The following SLC9C1 variants were observed in gnomAD, a reference collection of about 807,000 sequenced individuals.
SLC9C1 encodes solute carrier family 9 member C1, also known as sodium/hydrogen exchanger 10.
In SLC9C1, 97 loss-of-function variants were observed where a neutral mutation model predicts 140.9. The observed-to-expected ratio is 0.69, with a 90% CI of 0.58 to 0.82. SLC9C1 has a LOEUF of 0.82. Among genes scored for constraint, SLC9C1 ranks in the 40% least tolerant of loss-of-function variants. The probability of loss-of-function intolerance (pLI) is 0.00; values close to 1 mark genes in which losing one functional copy is unlikely to be tolerated. For synonymous variants in SLC9C1, 440 were observed against 442.6 expected, an observed-to-expected ratio of 0.99 and a Z score of 0.07; for missense variants, 1,340 against 1,389.3, an observed-to-expected ratio of 0.96 and a Z score of 0.56.
At chr3:112,266,121 G>T in intron 8 of SLC9C1, 117 bp downstream of exon 8, 2 of 744,512 alleles carry the variant, frequency 2.7e-6, no homozygotes, top group East Asian at 3.0e-5. Context: ...TTTTTAGTTG[G>T]GTAGTTTTCA....
intron 15 of SLC9C1, among the ~76,000 whole-genome samples, chr3:112,212,788 T>C (rs1403405738): frequency 6.6e-6 from 1 of 152,232 alleles, no homozygotes; most frequent in East Asian, 1.9e-4. Flanking sequence ...CTCTGCAGGA[T>C]ATTATCCAGG....
chr3:112,171,138 C>A (rs561819293), intron 23 of SLC9C1, among the ~76,000 whole-genome samples: 3 of 151,848 alleles, frequency 2.0e-5, no homozygotes, highest in African/African-American at 7.3e-5. Flanking sequence ...CACTTGAATC[C>A]GGGAGGCGGA....
intron 16 of SLC9C1, among the ~76,000 whole-genome samples, chr3:112,205,344 A>G (rs2078018462): frequency 6.6e-6 from 1 of 151,850 alleles, no homozygotes; most frequent in African/African-American, 2.4e-5. Context: ...CCAACTTACA[A>G]GGGACGTGAA....
At chr3:112,252,519 T>C (rs186744673) in intron 10 of SLC9C1, among the ~76,000 whole-genome samples, 1 of 152,310 alleles carries the variant, frequency 6.6e-6, no homozygotes, top group African/African-American at 2.4e-5. Flanking sequence ...AATTGCTCTA[T>C]GAAAAAGCAG....
Position 112,141,232 on chromosome 3 carries a change from A to G in SLC9C1, c.*40T>C, listed in dbSNP as rs1399901621. On this transcript the variant is annotated 3_prime_UTR_variant, in exon 29 of 29. Coordinates refer to ENST00000305815, the MANE Select transcript of SLC9C1 (RefSeq NM_183061.3). ...GTTTCTGCAGCAGGAGGCCTCTCATAGCCACAGCATTAATACATGCTTCGG... is the reference window on the plus strand; with the variant it reads ...GTTTCTGCAGCAGGAGGCCTCTCATGGCCACAGCATTAATACATGCTTCGG... 6.5e-7 allele frequency: 1 copy of G among 1,549,770 alleles called. No homozygotes were observed. The highest frequency in any genetic ancestry group is 2.0e-5 in the Admixed American group (1 of 49,382).
At chr3:112,183,370 T>TTTTTTTTTTAA (rs1560039720) in intron 20 of SLC9C1, among the ~76,000 whole-genome samples, 1 of 128,848 alleles carries the variant, frequency 7.8e-6, no homozygotes, top group Non-Finnish European at 1.6e-5. Context: ...TTTTTTTTTT[T>TTTTTTTTTTAA]CAGCCAATCA....
rs972423161 is a variant in SLC9C1, at chr3:112,286,854, G to C, written c.-63C>G. ...CAATCTCCATATGATCATCCATCTTGTTGTTTTTCACAGTCCATCTGAATC... is the reference window on the plus strand; with the variant it reads ...CAATCTCCATATGATCATCCATCTTCTTGTTTTTCACAGTCCATCTGAATC... On this transcript the variant is annotated 5_prime_UTR_variant, in exon 2 of 29. Transcript: ENST00000305815. 1.6e-5 allele frequency: 19 copies of C among 1,178,424 alleles called. No homozygotes were observed. Among genetic ancestry groups the C allele is most frequent in the Non-Finnish European group, 2.3e-5 (19 of 826,868 alleles). 73.0% of individuals were successfully genotyped at this position (1,178,424 alleles called of 1,614,324 possible).
chr3:112,251,689 A>C (rs1279840723), intron 10 of SLC9C1, among the ~76,000 whole-genome samples: 1 of 152,160 alleles, frequency 6.6e-6, no homozygotes, highest in African/African-American at 2.4e-5. Context: ...TCTGAGAGGG[A>C]GGTGCAAGCC....
chr3:112,283,843 CAAA>C (rs386397631), intron 2 of SLC9C1, among the ~76,000 whole-genome samples: 3 of 111,958 alleles, frequency 2.7e-5, no homozygotes, highest in East Asian at 2.4e-4. Context: ...AATCACTGTG[CAAA>C]AAAAAAAAAA....
chr3:112,293,622 C>T (rs896742540), intron 1 of SLC9C1, among the ~76,000 whole-genome samples: 1 of 152,160 alleles, frequency 6.6e-6, no homozygotes, highest in Non-Finnish European at 1.5e-5. Context: ...CCTTAGTAAA[C>T]TCTCCTACCA....
In SLC9C1 at chr3:112,202,306, C is replaced by A. The variant is rs528228567; in HGVS notation, c.2266G>T (p.Glu756Ter). The A allele has an allele frequency of 1.8e-5, 29 of 1,611,212 alleles. No individual in the cohort carries two copies. In the Admixed American group the frequency reaches 1.8e-4, roughly 10 times the overall value. ...YGILKGYVQG[E>*]ADIMTIIDQI... The stretch of plus-strand genomic sequence containing the variant: ...TCAATTATGGTCATTATGTCTGCTT[C>A]GCCTTGGACATAGCCTTTTAGTATT... The change falls in exon 18 of 29, where the codon GAA becomes TAA. Residue 756 changes from glutamate (E) to a stop codon, truncating the protein, a stop_gained. Coordinates refer to ENST00000305815, the MANE Select transcript of SLC9C1 (RefSeq NM_183061.3). LOFTEE classifies it high-confidence loss of function.
At chr3:112,260,493 A>G (rs554291015) in intron 10 of SLC9C1, among the ~76,000 whole-genome samples, 50 of 152,158 alleles carry the variant, frequency 3.3e-4, no homozygotes, top group Middle Eastern at 3.4e-3. Context: ...ATGCATAGTA[A>G]TATTAGATTT....
intron 19 of SLC9C1, 51 bp from the exon 20 acceptor site, chr3:112,199,520 G>A: frequency 2.9e-6 from 4 of 1,401,294 alleles, no homozygotes; most frequent in Non-Finnish European, 3.8e-6. Context: ...TGTTTTAAAT[G>A]TTTTATGTGG....
At chr3:112,213,592 G>A (rs552214605) in intron 15 of SLC9C1, among the ~76,000 whole-genome samples, 1 of 152,186 alleles carries the variant, frequency 6.6e-6, no homozygotes, top group Admixed American at 6.5e-5. Context: ...AACCAACGAA[G>A]ATCAAAAGAG....
At chr3:112,276,366 GTA>G (rs138208377) in intron 5 of SLC9C1, among the ~76,000 whole-genome samples, 2 of 142,050 alleles carry the variant, frequency 1.4e-5, no homozygotes, top group African/African-American at 2.5e-5. Context: ...AATTTTTCAA[GTA>G]TATATATATA....
At chr3:112,194,445 A>AT (rs1467737284) in intron 20 of SLC9C1, among the ~76,000 whole-genome samples, 2 of 152,086 alleles carry the variant, frequency 1.3e-5, no homozygotes, top group East Asian at 1.9e-4. Context: ...GCCAAATCTT[A>AT]TTTTTTTAAT....
chr3:112,218,798 ATG>A (rs2078459749), intron 14 of SLC9C1, among the ~76,000 whole-genome samples: 1 of 152,176 alleles, frequency 6.6e-6, no homozygotes, highest in African/African-American at 2.4e-5. Context: ...TGTGATATCT[ATG>A]TGTGACACTT....
At chr3:112,217,329 A>T in intron 15 of SLC9C1, 113 bp downstream of exon 15, 4 of 1,256,696 alleles carry the variant, frequency 3.2e-6, no homozygotes, top group Non-Finnish European at 4.3e-6. Flanking sequence ...GTGCACATGT[A>T]CCCTAGCACT....
intron 2 of SLC9C1, among the ~76,000 whole-genome samples, chr3:112,285,320 C>A (rs997726742): frequency 6.6e-6 from 1 of 152,048 alleles, no homozygotes; most frequent in South Asian, 2.1e-4. Flanking sequence ...CTCACTGCAA[C>A]CTTCGCCTCC....
Sources: gnomAD v4.1 joint callset for allele counts (sites outside exome capture counted in the v4.1 genomes callset) on GRCh38, gnomAD v4.1.1 for gene constraint, MANE v1.5 for transcripts, NCBI Gene and HGNC (gene_info 2026-07-23, HGNC 2026-07-21) for gene names.